CDH12: variants seen among roughly 807,000 people sequenced by gnomAD.
The protein encoded by CDH12 is cadherin-12.
In CDH12, 41 loss-of-function variants were observed where a neutral mutation model predicts 74.1. That is an observed-to-expected ratio of 0.55 (90% CI 0.43 to 0.72). The LOEUF is 0.72. CDH12 is among the 30% of genes least tolerant of loss of function. CDH12 has a pLI of 0.00. For synonymous variants in CDH12, 399 were observed against 355.0 expected (o/e 1.12, Z -1.39); for missense variants, 945 against 977.2 (o/e 0.97, Z 0.44).
intron 2 of CDH12, among the ~76,000 whole-genome samples, chr5:22,503,221 A>G (rs1736244540): frequency 6.6e-6 from 1 of 152,136 alleles, no homozygotes. Flanking sequence ...GTAAACATGA[A>G]TATAAGTGAG....
intron 5 of CDH12, among the ~76,000 whole-genome samples, chr5:22,044,432 G>C (rs1266251861): frequency 2.0e-5 from 3 of 152,178 alleles, no homozygotes; most frequent in African/African-American, 7.2e-5. Flanking sequence ...TGGCAGGAGA[G>C]AGAGAGCAGG....
intron 6 of CDH12, among the ~76,000 whole-genome samples, chr5:21,942,578 G>T (rs1421468598): frequency 6.6e-6 from 1 of 151,616 alleles, no homozygotes. Context: ...GAAAGTTTAA[G>T]AACATATGTA....
At chr5:22,461,858 G>A (rs888620766) in intron 2 of CDH12, among the ~76,000 whole-genome samples, 1 of 150,832 alleles carries the variant, frequency 6.6e-6, no homozygotes, top group African/African-American at 2.4e-5. Context: ...TGTTATATGA[G>A]CATATGAATA....
chr5:22,391,710 T>C (rs1234519527), intron 3 of CDH12, among the ~76,000 whole-genome samples: 1 of 152,092 alleles, frequency 6.6e-6, no homozygotes, highest in Non-Finnish European at 1.5e-5. Flanking sequence ...CCTGTGCAGG[T>C]CAGAAGTCTG....
At chr5:22,277,246 T>C (rs1174968778) in intron 3 of CDH12, among the ~76,000 whole-genome samples, 2 of 152,204 alleles carry the variant, frequency 1.3e-5, no homozygotes, top group Non-Finnish European at 2.9e-5. Flanking sequence ...GCAACTGGTA[T>C]TTCTCTGCCA....
At chr5:22,092,360 T>G (rs1281895260) in intron 4 of CDH12, among the ~76,000 whole-genome samples, 1 of 152,138 alleles carries the variant, frequency 6.6e-6, no homozygotes, top group Non-Finnish European at 1.5e-5. Flanking sequence ...TATGTTCAAA[T>G]TATTCACTTG....
intron 4 of CDH12, among the ~76,000 whole-genome samples, chr5:22,083,141 T>A (rs1742849760): frequency 6.6e-6 from 1 of 152,228 alleles, no homozygotes; most frequent in African/African-American, 2.4e-5. Flanking sequence ...TTTAAAAAAC[T>A]TGCATATCAC....
chr5:22,453,871 C>T (rs1437706907), intron 2 of CDH12, among the ~76,000 whole-genome samples: 2 of 151,590 alleles, frequency 1.3e-5, no homozygotes, highest in Admixed American at 6.6e-5. Flanking sequence ...ACTAAGTAAT[C>T]GATTATTTTA....
chr5:22,783,565 T>A (rs13362070), intron 1 of CDH12, among the ~76,000 whole-genome samples: 15,826 of 152,142 alleles, frequency 0.1, 1,104 homozygotes, highest in African/African-American at 0.2. Flanking sequence ...GGGAGTAAAG[T>A]CAGATGATTT....
At chr5:22,014,432 T>C (rs1036146073) in intron 5 of CDH12, among the ~76,000 whole-genome samples, 5 of 152,156 alleles carry the variant, frequency 3.3e-5, no homozygotes, top group Non-Finnish European at 7.3e-5. Flanking sequence ...TATATAAATG[T>C]ATACTCATAC....
At chr5:21,972,863 T>C (rs977870449) in intron 6 of CDH12, among the ~76,000 whole-genome samples, 1 of 151,880 alleles carries the variant, frequency 6.6e-6, no homozygotes, top group African/African-American at 2.4e-5. Context: ...TCATACCATG[T>C]GGTAAAATTT....
intron 3 of CDH12, among the ~76,000 whole-genome samples, chr5:22,244,228 G>A (rs1255765833): frequency 1.3e-5 from 2 of 151,976 alleles, no homozygotes; most frequent in Admixed American, 6.6e-5. Context: ...AGTGGCTCAC[G>A]CCTGTAATCC....
At chr5:22,158,957 A>G (rs1194130927) in intron 4 of CDH12, among the ~76,000 whole-genome samples, 2 of 152,182 alleles carry the variant, frequency 1.3e-5, no homozygotes, top group Non-Finnish European at 2.9e-5. Context: ...TTTTAAAGTT[A>G]GCATATAAAA....
At position 21,804,643 on chromosome 5, in the gene CDH12, AACACACACACACAC is replaced by A. The variant is rs11281181; in HGVS notation, c.1003-2237_1003-2224del. Among the ~76,000 whole-genome samples the A allele has an allele frequency of 4.2e-3, 480 of 115,364 alleles. 1 individual carries two copies. Among genetic ancestry groups the A allele is most frequent in the African/African-American group, 0.011 (342 of 31,404 alleles). 75.7% of individuals were successfully genotyped at this position (115,364 alleles called of 152,430 possible). On this transcript the variant is annotated intron_variant, in intron 9 of 14. Transcript: ENST00000382254. ...ATAAAATCATTCTATAGTGAATTAA[AACACACACACACAC>A]ACACACACACACACACACACACACA... is the stretch of plus-strand genomic sequence containing the variant.
At chr5:21,794,415 T>C (rs1160439783) in intron 10 of CDH12, among the ~76,000 whole-genome samples, 2 of 151,780 alleles carry the variant, frequency 1.3e-5, no homozygotes, top group Non-Finnish European at 3.0e-5. Flanking sequence ...AATAATTCTC[T>C]TGCGGGTCCT....
intron 6 of CDH12, among the ~76,000 whole-genome samples, chr5:21,930,419 A>G (rs946911194): frequency 6.6e-6 from 1 of 152,234 alleles, no homozygotes; most frequent in African/African-American, 2.4e-5. Context: ...TCTTAGTAAT[A>G]CAATATCCAT....
intron 1 of CDH12, among the ~76,000 whole-genome samples, chr5:22,772,796 C>T (rs1746878452): frequency 6.6e-6 from 1 of 152,066 alleles, no homozygotes; most frequent in East Asian, 1.9e-4. Context: ...TCTTAAACCA[C>T]TTCCTTTGGT....
chr5:21,806,873 C>A (rs1747455356), intron 9 of CDH12, among the ~76,000 whole-genome samples: 1 of 152,160 alleles, frequency 6.6e-6, no homozygotes, highest in South Asian at 2.1e-4. Flanking sequence ...AACTTTGAAC[C>A]AAGGATGATA....
chr5:21,836,120 G>T (rs1749517765), intron 8 of CDH12, among the ~76,000 whole-genome samples: 1 of 151,336 alleles, frequency 6.6e-6, no homozygotes, highest in East Asian at 1.9e-4. Flanking sequence ...ATTTTATTTT[G>T]ATTTTTTATG....
Sources: allele counts gnomAD v4.1 joint callset (sites outside exome capture counted in the v4.1 genomes callset), GRCh38; gene constraint gnomAD v4.1.1; transcripts MANE v1.5; gene names NCBI Gene and HGNC (gene_info 2026-07-23, HGNC 2026-07-21).